LETMD1: variants seen among roughly 807,000 people sequenced by gnomAD.
LETMD1 encodes LETM1 domain containing 1, also known as LETM1 domain-containing protein 1.
LETMD1 carries 30 observed loss-of-function variants against 43.9 expected under a neutral mutation model. That is an observed-to-expected ratio of 0.68 (90% confidence interval 0.51 to 0.93). The LOEUF is 0.93. Among genes scored for constraint, LETMD1 ranks in the 40% least tolerant of loss-of-function variants. The pLI, the probability that LETMD1 is intolerant of heterozygous loss-of-function variation, is 0.00. For synonymous variants in LETMD1, 176 were observed against 163.1 expected (o/e 1.08, Z -0.60); for missense variants, 413 against 447.7 (o/e 0.92, Z 0.70).
intron 7 of LETMD1, chr12:51,057,685 G>C (rs1229109760): frequency 1.6e-5 from 5 of 316,120 alleles, no homozygotes; most frequent in Admixed American, 4.3e-5. Flanking sequence ...GAGTGCAGTG[G>C]CATGATCTTG....
Position 51,059,903 on chromosome 12 carries a change from ATGTACTTGG to A in LETMD1, c.*473_*481del, listed in dbSNP as rs1948695500. 6.2e-6 allele frequency: 1 copy of A among 161,376 alleles called. No homozygotes were observed. Among genetic ancestry groups the A allele is most frequent in the Admixed American group, 6.0e-5 (1 of 16,668 alleles). 10.0% of individuals were successfully genotyped at this position (161,376 alleles called of 1,614,324 possible). ...TTGGCTGGAGCACATGTGTCCGTGC[ATGTACTTGG>A]GTGTTTCCCTCCATCCTTTCTGATA... On this transcript the variant is annotated 3_prime_UTR_variant, in exon 9 of 9. Coordinates refer to ENST00000262055, the MANE Select transcript of LETMD1 (RefSeq NM_015416.5).
chr12:51,063,800 C>T, downstream of LETMD1: 1 of 1,601,608 alleles, frequency 6.2e-7, no homozygotes, highest in Non-Finnish European at 8.5e-7. Context: ...GATCCTCATT[C>T]TGCTGGGAGG....
chr12:51,059,302 A>T (rs1164693282), intron 8 of LETMD1, 59 bp from the exon 9 acceptor site: 3 of 1,480,280 alleles, frequency 2.0e-6, no homozygotes, highest in Non-Finnish European at 2.8e-6. Context: ...TAAGCCATAT[A>T]TAACAAGGCA....
downstream of LETMD1, chr12:51,064,649 T>G (rs376930680): frequency 1.3e-6 from 2 of 1,528,464 alleles, no homozygotes; most frequent in South Asian, 2.6e-5. Context: ...AGCAGCCACA[T>G]GGAAAGGACA....
downstream of LETMD1, chr12:51,064,221 G>A (rs765468015): frequency 1.2e-6 from 2 of 1,613,882 alleles, no homozygotes; most frequent in South Asian, 1.1e-5. Flanking sequence ...GGAGCCTGGG[G>A]GCAGCTGAGC....
At position 51,052,169 on chromosome 12, in the gene LETMD1, C is replaced by G; in HGVS notation, c.352C>G (p.His118Asp). 6.2e-7 allele frequency: 1 copy of G among 1,613,980 alleles called. No homozygotes were observed. Among genetic ancestry groups the G allele is most frequent in the South Asian group, 1.1e-5 (1 of 91,082 alleles). The change falls in exon 3 of 9, where the codon CAT becomes GAT. Residue 118 changes from histidine to aspartate, a missense_variant. Physicochemically the swap from His to Asp is moderately conservative, Grantham distance 81 (BLOSUM62 -1). Transcript: ENST00000262055. The part of the protein sequence containing the change: ...TNMWKHNIKF[H>D]QLPYREMEHL... ...TATGTGGAAGCACAATATAAAGTTT[C>G]ATCAACTTCCATACCGGGAGATGGA... is the stretch of plus-strand genomic sequence containing the variant.
At chr12:51,052,013 T>C in intron 2 of LETMD1, 79 bp from the exon 3 acceptor site, 2 of 1,326,342 alleles carry the variant, frequency 1.5e-6, no homozygotes, top group Non-Finnish European at 1.0e-6. Flanking sequence ...TTGCATGTGA[T>C]TGAACATGGA....
At chr12:51,054,204 G>C (rs1013447378) in intron 4 of LETMD1, among the ~76,000 whole-genome samples, 1 of 152,042 alleles carries the variant, frequency 6.6e-6, no homozygotes, top group African/African-American at 2.4e-5. Flanking sequence ...TTCGTATTCT[G>C]ATAACATTTT....
At chr12:51,062,104 T>C (rs561947160), downstream of LETMD1, 36 of 152,326 alleles carry the variant, frequency 2.4e-4, no homozygotes, top group African/African-American at 7.2e-4. Context: ...AAAAATGTTA[T>C]GTGTATTAAA....
At chr12:51,059,170 C>G in intron 8 of LETMD1, 191 bp from the exon 9 acceptor site, 1 of 572,440 alleles carries the variant, frequency 1.7e-6, no homozygotes, top group African/African-American at 1.9e-5. Flanking sequence ...TGAGTTGATA[C>G]GAATATATAG....
In LETMD1 at chr12:51,059,555, G is replaced by C. The variant is rs376899287; in HGVS notation, c.*124G>C. 2.1e-5 allele frequency: 17 copies of C among 819,814 alleles called. No homozygotes were observed. The African/African-American group carries it at 2.7e-4, about 13-fold the overall frequency. 50.8% of individuals were successfully genotyped at this position (819,814 alleles called of 1,614,324 possible). A position where few individuals can be genotyped will look rare whatever the true frequency, so the allele number is the denominator to read the frequency against. ...GTGTGGGAGGCAGAGAGAGGAGCAGGGGCCATGGGCTTCACAGCATGGCAC... is the reference window on the plus strand; with the variant it reads ...GTGTGGGAGGCAGAGAGAGGAGCAGCGGCCATGGGCTTCACAGCATGGCAC... On this transcript the variant is annotated 3_prime_UTR_variant, in exon 9 of 9. Coordinates refer to ENST00000262055, the MANE Select transcript of LETMD1 (RefSeq NM_015416.5).
rs1566156275 is a variant in LETMD1, at chr12:51,059,678, A to G, written c.*247A>G. 5 of 502,924 alleles carry G rather than the reference A, an allele frequency of 9.9e-6. No homozygotes were observed. Among genetic ancestry groups the G allele is most frequent in the Non-Finnish European group, 1.8e-5 (5 of 273,804 alleles). 31.2% of individuals were successfully genotyped at this position (502,924 alleles called of 1,614,324 possible). On this transcript the variant is annotated 3_prime_UTR_variant, in exon 9 of 9. Transcript: ENST00000262055. ...TGAGGTGTCATCCTGTCCCCCTCAT[A>G]ATTACTAATAGCTGGAACTGGCAGC...
At chr12:51,066,486 C>T in the LETMD1 span, among the ~76,000 whole-genome samples, 3 of 144,360 alleles carry the variant, frequency 2.1e-5, no homozygotes, top group Non-Finnish European at 4.5e-5. Flanking sequence ...TACAACAATA[C>T]AACAATTAGC....
the LETMD1 span, among the ~76,000 whole-genome samples, chr12:51,068,490 T>C: frequency 6.6e-6 from 1 of 152,166 alleles, no homozygotes; most frequent in Non-Finnish European, 1.5e-5. Context: ...GGCTGCTATA[T>C]TCACTAGCAC....
In LETMD1 at chr12:51,052,135, A is replaced by G. The variant is rs766407075; in HGVS notation, c.318A>G (p.Ile106Met). 1.2e-6 allele frequency: 2 copies of G among 1,614,146 alleles called. No individual in the cohort carries two copies. Among genetic ancestry groups the G allele is most frequent in the Non-Finnish European group, 1.7e-6 (2 of 1,179,956 alleles). Residue 106 changes from isoleucine (I) to methionine (M), a missense_variant, in exon 3 of 9, where the codon ATA becomes ATG. Ile to Met is a conservative substitution (Grantham distance 10, BLOSUM62 1). Coordinates refer to ENST00000262055, the MANE Select transcript of LETMD1 (RefSeq NM_015416.5). ...LWADAKKARR[I>M]KTNMWKHNIK... ...CTGATGCCAAAAAGGCTAGAAGAAT[A>G]AAGACAAATATGTGGAAGCACAATA...
chr12:51,063,621 C>A, downstream of LETMD1: 1 of 745,292 alleles, frequency 1.3e-6, no homozygotes, highest in Non-Finnish European at 2.1e-6. Context: ...CCCACCCATT[C>A]CCCAAAGACC....
the LETMD1 span, among the ~76,000 whole-genome samples, chr12:51,065,434 C>T: frequency 6.6e-6 from 1 of 152,140 alleles, no homozygotes; most frequent in Admixed American, 6.5e-5. Context: ...AGCAAATAAG[C>T]ATGTACAAAT....
Position 51,059,712 on chromosome 12 carries a change from C to T in LETMD1, c.*281C>T. ...TAGCTGGAACTGGCAGCAGCCTCTA[C>T]TGGGCTTTTACTGTGATGTGTTCAG... On this transcript the variant is annotated 3_prime_UTR_variant, in exon 9 of 9. Transcript: ENST00000262055. 2.3e-6 allele frequency: 1 copy of T among 439,082 alleles called. No homozygotes were observed. The highest frequency in any genetic ancestry group is 4.3e-6 in the Non-Finnish European group (1 of 234,712). 27.2% of individuals were successfully genotyped at this position (439,082 alleles called of 1,614,324 possible).
At chr12:51,055,800 T>G (rs1332945736) in intron 4 of LETMD1, 35 bp from the exon 5 acceptor site, 3 of 1,514,016 alleles carry the variant, frequency 2.0e-6, no homozygotes, top group Non-Finnish European at 2.7e-6. Flanking sequence ...GAAGCCAGTT[T>G]CAGCAAGTGA....
Sources: gnomAD v4.1 joint callset for allele counts (sites outside exome capture counted in the v4.1 genomes callset) on GRCh38, gnomAD v4.1.1 for gene constraint, MANE v1.5 for transcripts, NCBI Gene and HGNC (gene_info 2026-07-23, HGNC 2026-07-21) for gene names.